The following ST6GALNAC3 variants were observed in gnomAD, a reference collection of about 807,000 sequenced individuals.
ST6GALNAC3 encodes ST6 N-acetylgalactosaminide alpha-2,6-sialyltransferase 3, also known as alpha-N-acetylgalactosaminide alpha-2,6-sialyltransferase 3.
In ST6GALNAC3, 25 loss-of-function variants were observed where a neutral mutation model predicts 32.7. The ratio of observed to expected loss-of-function variants is 0.76; its 90% confidence interval spans 0.56 to 1.07. The LOEUF is 1.07. ST6GALNAC3 is among the 50% of genes least tolerant of loss of function. The pLI is 0.00. For synonymous variants in ST6GALNAC3, 129 were observed against 133.1 expected (o/e 0.97, Z 0.21); for missense variants, 355 against 382.4 (o/e 0.93, Z 0.60).
chr1:76,607,801 T>TGTGTAGGGGACACGCTACCC (rs1426867007), intron 3 of ST6GALNAC3, among the ~76,000 whole-genome samples: 19 of 152,138 alleles, frequency 1.2e-4, no homozygotes, highest in Admixed American at 3.3e-4. Flanking sequence ...CGTAGCCCAG[T>TGTGTAGGGGACACGCTACCC]ACCTGTGTGT....
chr1:76,260,126 A>G (rs548150105), intron 1 of ST6GALNAC3, among the ~76,000 whole-genome samples: 1 of 152,122 alleles, frequency 6.6e-6, no homozygotes, highest in South Asian at 2.1e-4. Context: ...GCAAGCAGGA[A>G]GCCTTGGGGA....
intron 3 of ST6GALNAC3, among the ~76,000 whole-genome samples, chr1:76,424,416 C>T (rs561599139): frequency 6.6e-6 from 1 of 151,744 alleles, no homozygotes; most frequent in South Asian, 2.1e-4. Context: ...TCTTGGTGGG[C>T]AAAGATCATG....
intron 3 of ST6GALNAC3, among the ~76,000 whole-genome samples, chr1:76,592,848 G>T (rs76857310): frequency 5.9e-5 from 9 of 152,168 alleles, no homozygotes; most frequent in African/African-American, 2.2e-4. Flanking sequence ...ATTTGGGGAC[G>T]CAGAGGAGAG....
In ST6GALNAC3 at chr1:76,389,011, C is replaced by CTTTTTTTTTTTTTTTTTTT. The variant is rs138986165; in HGVS notation, c.214-22997_214-22996insTTTTTTTTTTTTTTTTTTT. Among the ~76,000 whole-genome samples the CTTTTTTTTTTTTTTTTTTT allele has an allele frequency of 1.3e-4, 14 of 107,910 alleles. 6 individuals are homozygous for CTTTTTTTTTTTTTTTTTTT. The highest frequency in any genetic ancestry group is 2.1e-4 in the Non-Finnish European group (12 of 56,182). 70.8% of individuals were successfully genotyped at this position (107,910 alleles called of 152,430 possible). On this transcript the variant is annotated intron_variant, in intron 2 of 4. Coordinates refer to ENST00000328299, the MANE Select transcript of ST6GALNAC3 (RefSeq NM_152996.4). ...GGTGTGGTTGTTAGTTGGTATATTT[C>CTTTTTTTTTTTTTTTTTTT]CTTTTTTTTTTTTTTTTGAGACAGA...
chr1:76,282,268 C>A (rs919521985), intron 1 of ST6GALNAC3, among the ~76,000 whole-genome samples: 1 of 147,844 alleles, frequency 6.8e-6, no homozygotes, highest in Non-Finnish European at 1.5e-5. Context: ...AAAAAAGAGA[C>A]TTAGGGACAC....
At chr1:76,398,092 T>C (rs1653119120) in intron 2 of ST6GALNAC3, among the ~76,000 whole-genome samples, 1 of 152,192 alleles carries the variant, frequency 6.6e-6, no homozygotes, top group African/African-American at 2.4e-5. Context: ...AGTAAGAATA[T>C]GTCTAGTTAA....
rs547701771 is a variant in ST6GALNAC3 at position 76,526,267 on chromosome 1, C to T, written c.624-101185C>T. On this transcript the variant is annotated intron_variant, in intron 3 of 4. Coordinates refer to ENST00000328299, the MANE Select transcript of ST6GALNAC3 (RefSeq NM_152996.4). Reference sequence around the variant, plus strand: ...ACCACATCACTTCCATTCCTAGCACCATTTATCAAACAGTGACCTATGGAA... The same window carrying T: ...ACCACATCACTTCCATTCCTAGCACTATTTATCAAACAGTGACCTATGGAA... Among the ~76,000 whole-genome samples, 6 of 152,094 alleles carry T rather than the reference C, an allele frequency of 3.9e-5. No individual in the cohort carries two copies. The East Asian group carries it at 9.7e-4, about 25-fold the overall frequency.
intron 3 of ST6GALNAC3, among the ~76,000 whole-genome samples, chr1:76,573,600 G>A (rs315023): frequency 0.38 from 57,922 of 151,544 alleles, 13,452 homozygotes; most frequent in African/African-American, 0.66. Context: ...TTCCATGCTT[G>A]TAGAGATGTT....
intron 1 of ST6GALNAC3, among the ~76,000 whole-genome samples, chr1:76,116,238 A>C (rs1319957683): frequency 6.6e-6 from 1 of 152,196 alleles, no homozygotes; most frequent in Admixed American, 6.5e-5. Context: ...ACAGGAGCTC[A>C]GTGAGGGAAG....
At chr1:76,425,808 T>G (rs1045545614) in intron 3 of ST6GALNAC3, among the ~76,000 whole-genome samples, 3 of 151,848 alleles carry the variant, frequency 2.0e-5, no homozygotes, top group Non-Finnish European at 4.4e-5. Context: ...AAAATAAGTA[T>G]TGTGCCAAAA....
At chr1:76,439,337 C>A (rs956703130) in intron 3 of ST6GALNAC3, among the ~76,000 whole-genome samples, 6 of 152,154 alleles carry the variant, frequency 3.9e-5, no homozygotes, top group Non-Finnish European at 5.9e-5. Flanking sequence ...TTCCAAGAGG[C>A]TCTTAACTCT....
intron 1 of ST6GALNAC3, among the ~76,000 whole-genome samples, chr1:76,306,218 C>T (rs1315420199): frequency 1.3e-5 from 2 of 152,006 alleles, no homozygotes; most frequent in Non-Finnish European, 2.9e-5. Flanking sequence ...TTGGTTAGCA[C>T]TCAGGGAAAA....
intron 1 of ST6GALNAC3, among the ~76,000 whole-genome samples, chr1:76,172,925 G>C (rs1267524881): frequency 6.6e-6 from 1 of 152,132 alleles, no homozygotes; most frequent in African/African-American, 2.4e-5. Context: ...GTAATTTACA[G>C]ATTCAATGCT....
At position 76,272,451 on chromosome 1, in the gene ST6GALNAC3, G is replaced by A. The variant is rs1658904621; in HGVS notation, c.19-41354G>A. On this transcript the variant is annotated intron_variant, in intron 1 of 4. Coordinates refer to ENST00000328299, the MANE Select transcript of ST6GALNAC3 (RefSeq NM_152996.4). ...ATTCTTTTTACAGATGAGAGATACG[G>A]GGTCTTACAAAGTTTATTGACTTCT... Among the ~76,000 whole-genome samples the A allele has an allele frequency of 2.6e-5, 4 of 152,068 alleles. No homozygotes were observed. The South Asian group carries it at 8.3e-4, about 31-fold the overall frequency.
intron 1 of ST6GALNAC3, among the ~76,000 whole-genome samples, chr1:76,083,480 G>C (rs999942439): frequency 6.6e-6 from 1 of 152,252 alleles, no homozygotes; most frequent in Non-Finnish European, 1.5e-5. Context: ...TGGGCAGTAA[G>C]AAGACTGTGG....
intron 1 of ST6GALNAC3, among the ~76,000 whole-genome samples, chr1:76,228,706 C>T (rs577998268): frequency 6.6e-6 from 1 of 152,226 alleles, no homozygotes; most frequent in South Asian, 2.1e-4. Flanking sequence ...AAAATGTTAT[C>T]GCTGTAAATG....
rs116101404 is a variant in ST6GALNAC3, at chr1:76,302,414, T to G, written c.19-11391T>G. On this transcript the variant is annotated intron_variant, in intron 1 of 4. Transcript: ENST00000328299. The stretch of plus-strand genomic sequence containing the variant: ...TCTTTCTCTTCTTGCTGTGCCTTTC[T>G]GAATGGAAGCTTTCTTTCTGGCATA... 6.8e-3 allele frequency among the ~76,000 whole-genome samples: 1,038 copies of G among 152,156 alleles called. 13 individuals carry two copies. Among genetic ancestry groups the G allele is most frequent in the African/African-American group, 0.024 (995 of 41,542 alleles).
intron 2 of ST6GALNAC3, among the ~76,000 whole-genome samples, chr1:76,323,631 TG>T (rs1454837442): frequency 6.6e-6 from 1 of 152,220 alleles, no homozygotes; most frequent in Non-Finnish European, 1.5e-5. Flanking sequence ...AAACACTTTT[TG>T]CCTAGGGATA....
chr1:76,231,911 G>A (rs1423282614), intron 1 of ST6GALNAC3, among the ~76,000 whole-genome samples: 1 of 152,152 alleles, frequency 6.6e-6, no homozygotes, highest in Non-Finnish European at 1.5e-5. Context: ...TTGAAGTGTT[G>A]TTGTTTTAAG....
Sources: gnomAD v4.1 joint callset for allele counts (sites outside exome capture counted in the v4.1 genomes callset) on GRCh38, gnomAD v4.1.1 for gene constraint, MANE v1.5 for transcripts, NCBI Gene and HGNC (gene_info 2026-07-23, HGNC 2026-07-21) for gene names.